SCLT1: variants seen among roughly 807,000 people sequenced by gnomAD.
The protein encoded by SCLT1 is sodium channel and clathrin linker 1.
Under a neutral mutation model 112.8 loss-of-function variants are expected in SCLT1, and 78 were observed. The ratio of observed to expected loss-of-function variants is 0.69; its 90% CI spans 0.58 to 0.83. The LOEUF (loss-of-function observed/expected upper bound fraction) is 0.83. Among genes scored for constraint, SCLT1 ranks in the 40% least tolerant of loss-of-function variants. The pLI, the probability that SCLT1 is intolerant of heterozygous loss-of-function variation, is 0.00. For synonymous variants in SCLT1, 257 were observed against 254.7 expected (o/e 1.01, Z -0.09); for missense variants, 747 against 770.4 (o/e 0.97, Z 0.36).
chr4:129,071,693 T>C (rs1406629854), intron 2 of SCLT1, among the ~76,000 whole-genome samples: 3 of 152,180 alleles, frequency 2.0e-5, no homozygotes, highest in Non-Finnish European at 2.9e-5. Flanking sequence ...TGAGTCCTTA[T>C]GTTTTAGGTG....
chr4:128,910,790 C>A lies in SCLT1; in HGVS notation c.1830-19653G>T, dbSNP rs546249871. On this transcript the variant is annotated intron_variant, in intron 18 of 20. Transcript: ENST00000281142. The stretch of plus-strand genomic sequence containing the variant: ...TATCTTTTTAACATCATCTTTTCAC[C>A]AATGATTTGAAATACCACCATTATC... Among the ~76,000 whole-genome samples, 19 of 151,984 alleles carry A rather than the reference C, an allele frequency of 1.3e-4. No individual in the cohort carries two copies. The South Asian group carries it at 2.3e-3, about 18-fold the overall frequency.
At chr4:128,886,863 T>C (rs760313382) in intron 20 of SCLT1, among the ~76,000 whole-genome samples, 10 of 152,174 alleles carry the variant, frequency 6.6e-5, no homozygotes, top group Non-Finnish European at 1.0e-4. Context: ...TCGTTCCCTT[T>C]TTACTATAGA....
rs1394899062 is a variant in SCLT1 at position 129,057,556 on chromosome 4, G to T, written c.103-13505C>A. Among the ~76,000 whole-genome samples the T allele has an allele frequency of 7.1e-5, 10 of 140,400 alleles. No homozygotes were observed. In the East Asian group the frequency reaches 2.1e-3, roughly 29 times the overall value. 92.1% of individuals were successfully genotyped at this position (140,400 alleles called of 152,430 possible). Reference sequence around the variant, plus strand: ...AGTGAAGCCATCAGGTCCTGAGCTAGTTTTTTTTTTTTTTTTAAGACTTTT... The same window carrying T: ...AGTGAAGCCATCAGGTCCTGAGCTATTTTTTTTTTTTTTTTTAAGACTTTT... On this transcript the variant is annotated intron_variant, in intron 2 of 20. Coordinates refer to ENST00000281142, the MANE Select transcript of SCLT1 (RefSeq NM_144643.4).
intron 4 of SCLT1, among the ~76,000 whole-genome samples, chr4:129,040,375 T>G (rs1340477933): frequency 6.6e-6 from 1 of 152,206 alleles, no homozygotes; most frequent in Non-Finnish European, 1.5e-5. Flanking sequence ...TATCTTAATT[T>G]TATAGTTTTT....
At chr4:128,934,552 T>C (rs970956465) in intron 18 of SCLT1, among the ~76,000 whole-genome samples, 1 of 151,872 alleles carries the variant, frequency 6.6e-6, no homozygotes, top group African/African-American at 2.4e-5. Context: ...TATATAGTTT[T>C]CAAACAAAAG....
chr4:128,994,965 A>G (rs1742885657), intron 8 of SCLT1, among the ~76,000 whole-genome samples: 2 of 152,080 alleles, frequency 1.3e-5, no homozygotes, highest in African/African-American at 4.8e-5. Context: ...ATTTTGTCCC[A>G]TTCCATAGGT....
At chr4:128,878,939 C>T (rs1215541305) in intron 3 of SCLT1, among the ~76,000 whole-genome samples, 1 of 142,122 alleles carries the variant, frequency 7.0e-6, no homozygotes, top group East Asian at 2.1e-4. Context: ...AAGAGCTTTT[C>T]GGGTAGTGCC....
chr4:128,942,595 G>A (rs73850059), intron 17 of SCLT1, among the ~76,000 whole-genome samples: 1,986 of 152,152 alleles, frequency 0.013, 42 homozygotes, highest in African/African-American at 0.04. Flanking sequence ...GTTATGAATG[G>A]TTCTCAGAGC....
At chr4:128,877,546 T>C (rs1347602524) in intron 3 of SCLT1, among the ~76,000 whole-genome samples, 1 of 152,116 alleles carries the variant, frequency 6.6e-6, no homozygotes, top group East Asian at 1.9e-4. Flanking sequence ...CCAGGCGTGG[T>C]GGCACACGCC....
At chr4:128,917,424 A>G (rs183353465) in intron 18 of SCLT1, among the ~76,000 whole-genome samples, 209 of 152,312 alleles carry the variant, frequency 1.4e-3, no homozygotes, top group Admixed American at 3.3e-3. Flanking sequence ...ATTGGTTTTA[A>G]TGATCCTGAT....
chr4:128,961,628 G>GTT (rs1357146676), intron 11 of SCLT1, among the ~76,000 whole-genome samples: 1 of 151,970 alleles, frequency 6.6e-6, no homozygotes, highest in African/African-American at 2.4e-5. Flanking sequence ...ATTTTCTCAT[G>GTT]TGTTTGGTAA....
intron 18 of SCLT1, among the ~76,000 whole-genome samples, chr4:128,904,794 T>A (rs920487976): frequency 6.6e-6 from 1 of 152,188 alleles, no homozygotes; most frequent in Non-Finnish European, 1.5e-5. Context: ...AAGATTGTAA[T>A]CTCAACTTTT....
At chr4:128,901,710 C>T (rs891973512) in intron 18 of SCLT1, among the ~76,000 whole-genome samples, 39 of 151,796 alleles carry the variant, frequency 2.6e-4, no homozygotes, top group African/African-American at 9.2e-4. Context: ...CCCTTGTCCC[C>T]CTTCTTTTCA....
Position 128,999,669 on chromosome 4 carries a change from T to G in SCLT1, c.549+3A>C, listed in dbSNP as rs1743297651. ...ACAAGAAAATGATGAAATCCAAGAT[T>G]ACCTTTTGTTTTTGACTTTCAAATA... is the stretch of plus-strand genomic sequence containing the variant. On this transcript the variant is annotated splice_donor_region_variant and intron_variant, in intron 7 of 20. Transcript: ENST00000281142. 1.9e-6 allele frequency: 3 copies of G among 1,593,896 alleles called. No individual in the cohort carries two copies. The highest frequency in any genetic ancestry group is 1.4e-5 in the African/African-American group (1 of 73,822).
At chr4:128,951,902 A>G (rs1467572209) in intron 14 of SCLT1, among the ~76,000 whole-genome samples, 3 of 152,190 alleles carry the variant, frequency 2.0e-5, no homozygotes. Flanking sequence ...TGTGCTCTCC[A>G]AAGTTTGTAG....
chr4:128,919,723 A>T (rs1376463909), intron 18 of SCLT1, among the ~76,000 whole-genome samples: 1 of 146,786 alleles, frequency 6.8e-6, no homozygotes, highest in Non-Finnish European at 1.5e-5. Context: ...TATTACTATT[A>T]ACCCCACAGA....
intron 18 of SCLT1, among the ~76,000 whole-genome samples, chr4:128,895,020 A>AAT (rs1370786924): frequency 6.6e-6 from 1 of 151,316 alleles, no homozygotes; most frequent in Non-Finnish European, 1.5e-5. Flanking sequence ...CCTGAAAGAG[A>AAT]CTCTCTCTTT....
rs1040152404 is a variant in SCLT1, at chr4:128,888,781, A to C, written c.1909-7T>G. On this transcript the variant is annotated splice_polypyrimidine_tract_variant and splice_region_variant and intron_variant, in intron 19 of 20. Coordinates refer to ENST00000281142, the MANE Select transcript of SCLT1 (RefSeq NM_144643.4). ...CTAGAATTAGCTTTTCATTCTATTA[A>C]GGGGAAATAGAAAACAAGTTAGAAA... 2 of 1,546,944 alleles carry C rather than the reference A, an allele frequency of 1.3e-6. No homozygotes were observed. Among genetic ancestry groups the C allele is most frequent in the African/African-American group, 2.7e-5 (2 of 73,204 alleles).
intron 2 of SCLT1, among the ~76,000 whole-genome samples, chr4:129,072,302 G>T (rs1023755986): frequency 5.3e-5 from 8 of 152,044 alleles, no homozygotes; most frequent in African/African-American, 1.9e-4. Context: ...ATCTTTTTGC[G>T]ATGAATTTCC....
Sources: gnomAD v4.1 joint callset for allele counts (sites outside exome capture counted in the v4.1 genomes callset) on GRCh38, gnomAD v4.1.1 for gene constraint, MANE v1.5 for transcripts, NCBI Gene and HGNC (gene_info 2026-07-23, HGNC 2026-07-21) for gene names.